DGKB: variants seen among roughly 807,000 people sequenced by gnomAD.
The protein encoded by DGKB is diacylglycerol kinase beta.
DGKB carries 67 observed loss-of-function variants against 114.3 expected under a neutral mutation model. The ratio of observed to expected loss-of-function variants is 0.59; its 90% CI spans 0.48 to 0.72. The LOEUF is 0.72. Ranked by LOEUF, DGKB falls within the 30% of genes least tolerant of loss-of-function variation. The pLI is 0.00. For missense variants in DGKB, 907 were observed against 975.2 expected, an observed-to-expected ratio of 0.93 and a Z score of 0.93; for synonymous variants, 398 against 323.1, an observed-to-expected ratio of 1.23 and a Z score of -2.49.
intron 13 of DGKB, among the ~76,000 whole-genome samples, chr7:14,640,161 A>C (rs1013790435): frequency 1.3e-5 from 2 of 152,212 alleles, no homozygotes; most frequent in Admixed American, 6.5e-5. Context: ...TTTAGTACTA[A>C]ATTACATAAG....
At chr7:14,934,893 G>A (rs1045772954) in intron 1 of DGKB, among the ~76,000 whole-genome samples, 1 of 152,138 alleles carries the variant, frequency 6.6e-6, no homozygotes, top group Non-Finnish European at 1.5e-5. Flanking sequence ...TGAAACTAAT[G>A]AAAGTAAACC....
intron 13 of DGKB, among the ~76,000 whole-genome samples, chr7:14,632,203 AACT>A (rs1267556418): frequency 6.6e-6 from 1 of 151,998 alleles, no homozygotes; most frequent in Non-Finnish European, 1.5e-5. Context: ...TTTTGGGGAT[AACT>A]GTAGACATTT....
At chr7:14,781,687 T>G (rs1450609120) in intron 2 of DGKB, among the ~76,000 whole-genome samples, 2 of 152,330 alleles carry the variant, frequency 1.3e-5, no homozygotes, top group Admixed American at 6.5e-5. Flanking sequence ...TCAAACAAAC[T>G]ATTCTACTTG....
At chr7:14,626,949 G>A (rs904475458) in intron 14 of DGKB, among the ~76,000 whole-genome samples, 22 of 152,148 alleles carry the variant, frequency 1.4e-4, no homozygotes, top group African/African-American at 5.3e-4. Flanking sequence ...GTAAGCTTGG[G>A]CAAGTTATTT....
intron 1 of DGKB, among the ~76,000 whole-genome samples, chr7:14,924,222 C>T (rs1002868243): frequency 1.4e-4 from 22 of 152,028 alleles, no homozygotes; most frequent in African/African-American, 5.3e-4. Flanking sequence ...CAGTTCTAAA[C>T]AGGTATTTTC....
At chr7:14,295,770 T>C (rs919720906) in intron 23 of DGKB, among the ~76,000 whole-genome samples, 2 of 152,072 alleles carry the variant, frequency 1.3e-5, no homozygotes, top group African/African-American at 4.8e-5. Flanking sequence ...GTTTGCTACA[T>C]AGGTATACAT....
chr7:14,907,454 C>T (rs1358732160), upstream of DGKB, among the ~76,000 whole-genome samples: 1 of 152,142 alleles, frequency 6.6e-6, no homozygotes, highest in Admixed American at 6.5e-5. Context: ...TAGCACCTAC[C>T]CCACAGAGTG....
chr7:14,427,986 G>A (rs1422576012), intron 21 of DGKB, among the ~76,000 whole-genome samples: 2 of 151,662 alleles, frequency 1.3e-5, no homozygotes, highest in African/African-American at 4.8e-5. Flanking sequence ...TATACAGTTT[G>A]TTTCTACCAG....
intron 21 of DGKB, among the ~76,000 whole-genome samples, chr7:14,425,878 G>A (rs900677211): frequency 1.6e-4 from 25 of 152,086 alleles, no homozygotes; most frequent in Admixed American, 1.2e-3. Context: ...CAGTATTACA[G>A]CAGTAAAATC....
At chr7:14,615,735 GTTCATT>G (rs949381021) in intron 15 of DGKB, among the ~76,000 whole-genome samples, 1 of 151,708 alleles carries the variant, frequency 6.6e-6, no homozygotes, top group African/African-American at 2.4e-5. Flanking sequence ...TTGAGTATGA[GTTCATT>G]TTCAGACAGT....
At chr7:14,344,072 A>G (rs1012060797) in intron 22 of DGKB, among the ~76,000 whole-genome samples, 1 of 149,640 alleles carries the variant, frequency 6.7e-6, no homozygotes, top group African/African-American at 2.4e-5. Context: ...ATAGTTATAT[A>G]TGTGTTATAT....
chr7:14,941,554 T>G (rs1016855171), intron 1 of DGKB, among the ~76,000 whole-genome samples: 1 of 152,090 alleles, frequency 6.6e-6, no homozygotes, highest in Non-Finnish European at 1.5e-5. Flanking sequence ...TAAACATATA[T>G]AGTTACTTGT....
intron 14 of DGKB, among the ~76,000 whole-genome samples, chr7:14,625,368 T>C (rs965773328): frequency 7.2e-5 from 11 of 152,196 alleles, no homozygotes; most frequent in Non-Finnish European, 1.5e-4. Flanking sequence ...CCTTTTTATA[T>C]GAGGGACAGG....
chr7:14,304,195 T>C (rs1263124478), intron 23 of DGKB, among the ~76,000 whole-genome samples: 2 of 152,100 alleles, frequency 1.3e-5, no homozygotes, highest in Non-Finnish European at 2.9e-5. Context: ...TTTATGTGTT[T>C]GCTTCAAGTT....
At chr7:14,760,882 G>C (rs1317364544) in intron 2 of DGKB, among the ~76,000 whole-genome samples, 3 of 152,090 alleles carry the variant, frequency 2.0e-5, no homozygotes, top group Non-Finnish European at 4.4e-5. Context: ...TATTTTATTA[G>C]TGTACTGGTC....
intron 2 of DGKB, among the ~76,000 whole-genome samples, chr7:14,827,130 A>G (rs1341311564): frequency 6.6e-6 from 1 of 152,138 alleles, no homozygotes; most frequent in Admixed American, 6.6e-5. Flanking sequence ...CACCCAACCA[A>G]TAAACAAGTG....
chr7:14,352,932 ACAAAAAAAAC>A (rs200376869), intron 21 of DGKB, among the ~76,000 whole-genome samples: 2,741 of 148,180 alleles, frequency 0.018, 74 homozygotes, highest in African/African-American at 0.061. Context: ...TCAAAAACAA[ACAAAAAAAAC>A]CAAACAAATA....
At chr7:14,309,717 C>T (rs1184247534) in intron 23 of DGKB, among the ~76,000 whole-genome samples, 1 of 152,152 alleles carries the variant, frequency 6.6e-6, no homozygotes, top group Non-Finnish European at 1.5e-5. Flanking sequence ...TCTTGTTCTT[C>T]AGGGATTACT....
chr7:14,422,760 G>A (rs1031912843), intron 21 of DGKB, among the ~76,000 whole-genome samples: 8 of 151,958 alleles, frequency 5.3e-5, no homozygotes, highest in Admixed American at 2.6e-4. Flanking sequence ...AGGTAGAATA[G>A]TGAATAGATT....
Sources: gnomAD v4.1 joint callset for allele counts (sites outside exome capture counted in the v4.1 genomes callset) on GRCh38, gnomAD v4.1.1 for gene constraint, MANE v1.5 for transcripts, NCBI Gene and HGNC (gene_info 2026-07-23, HGNC 2026-07-21) for gene names.